Variants in IL1RAPL2 observed in about 807,000 individuals in gnomAD.
IL1RAPL2 encodes the protein interleukin 1 receptor accessory protein like 2.
A neutral mutation model predicts 44.1 loss-of-function variants in IL1RAPL2; 3 were observed. That is an observed-to-expected ratio of 0.07 (90% CI 0.03 to 0.18). IL1RAPL2 has a LOEUF of 0.18. Among genes scored for constraint, IL1RAPL2 ranks in the 10% least tolerant of loss-of-function variants. The pLI is 1.00. For synonymous variants in IL1RAPL2, 181 were observed against 178.8 expected, an observed-to-expected ratio of 1.01 and a Z score of -0.10; for missense variants, 391 against 496.4, an observed-to-expected ratio of 0.79 and a Z score of 2.02.
At chrX:105,611,898 A>T (rs1313108664) in intron 6 of IL1RAPL2, among the ~76,000 whole-genome samples, 2 of 111,327 alleles carry the variant, frequency 1.8e-5, no homozygotes, top group East Asian at 5.7e-4. Flanking sequence ...CACAGATTTT[A>T]TCAGTTTAAC....
At chrX:104,619,748 A>G (rs950694327) in intron 1 of IL1RAPL2, among the ~76,000 whole-genome samples, 2 of 112,423 alleles carry the variant, frequency 1.8e-5, no homozygotes, top group African/African-American at 6.5e-5. Context: ...ACATTTATGT[A>G]TATAATACTG....
rs1178543516 is a variant in IL1RAPL2, at chrX:105,665,742, GTTT to G, written c.773-51614_773-51612del. Among the ~76,000 whole-genome samples, 20 of 83,691 alleles carry G rather than the reference GTTT, an allele frequency of 2.4e-4. No individual in the cohort carries two copies. The South Asian group carries it at 3.3e-3, about 14-fold the overall frequency. 72.7% of individuals were successfully genotyped at this position (83,691 alleles called of 115,157 possible). ...TTTATTTTTGTTTTTTTGTTTTTTT[GTTT>G]TTTTTTTTTTGTTGTTGTTGTTGTT... On this transcript the variant is annotated intron_variant, in intron 6 of 10. Transcript: ENST00000372582.
chrX:104,891,404 C>T (rs1923435515), intron 2 of IL1RAPL2, among the ~76,000 whole-genome samples: 1 of 112,084 alleles, frequency 8.9e-6, no homozygotes, highest in Non-Finnish European at 1.9e-5. Flanking sequence ...TTGCCATTTT[C>T]ACAATATTGA....
At chrX:104,822,160 A>G (rs1921321438) in intron 2 of IL1RAPL2, among the ~76,000 whole-genome samples, 1 of 111,558 alleles carries the variant, frequency 9.0e-6, no homozygotes, top group Non-Finnish European at 1.9e-5. Flanking sequence ...CCTTTGTCAG[A>G]TGGATAGATT....
chrX:104,758,007 G>A (rs940772935), intron 2 of IL1RAPL2, among the ~76,000 whole-genome samples: 12 of 111,917 alleles, frequency 1.1e-4, no homozygotes, highest in Admixed American at 9.5e-4. Flanking sequence ...CTTACATGGA[G>A]TTGAATTAAT....
At chrX:104,918,730 A>G (rs1318027318) in intron 2 of IL1RAPL2, among the ~76,000 whole-genome samples, 2 of 112,167 alleles carry the variant, frequency 1.8e-5, no homozygotes, top group Non-Finnish European at 3.8e-5. Context: ...AGAGGACAAA[A>G]TGGAGTAAAA....
chrX:105,468,338 G>C (rs901831832), intron 5 of IL1RAPL2, among the ~76,000 whole-genome samples: 1 of 111,583 alleles, frequency 9.0e-6, no homozygotes, highest in Non-Finnish European at 1.9e-5. Context: ...ACACCTAACT[G>C]CAAGGGAGGC....
At chrX:105,315,524 A>G (rs1421323471) in intron 5 of IL1RAPL2, among the ~76,000 whole-genome samples, 3 of 85,733 alleles carry the variant, frequency 3.5e-5, no homozygotes, top group African/African-American at 1.1e-4. Context: ...ACAAAAGAAA[A>G]CCCCATACCT....
rs1375314516 is a variant in IL1RAPL2, at chrX:105,405,693, A to G, written c.698-78620A>G. The G allele has an allele frequency of 3.0e-6, 3 of 994,620 alleles. No homozygotes were observed. The African/African-American group carries it at 5.4e-5, about 18-fold the overall frequency. 82.0% of individuals were successfully genotyped at this position (994,620 alleles called of 1,213,427 possible). A position where few individuals can be genotyped will look rare whatever the true frequency, so the allele number is the denominator to read the frequency against. On this transcript the variant is annotated intron_variant, in intron 5 of 10. Coordinates refer to ENST00000372582, the MANE Select transcript of IL1RAPL2 (RefSeq NM_017416.2). The stretch of plus-strand genomic sequence containing the variant: ...CTGAAAGGCAGCCCTAAGAACGGAA[A>G]GAGTAAGAGACTTAAATGAATATGA...
chrX:105,363,517 C>G (rs1322814593), intron 5 of IL1RAPL2, among the ~76,000 whole-genome samples: 1 of 106,655 alleles, frequency 9.4e-6, no homozygotes, highest in Non-Finnish European at 1.9e-5. Context: ...TGAGGAACCT[C>G]TATGCTACTT....
intron 6 of IL1RAPL2, among the ~76,000 whole-genome samples, chrX:105,622,733 A>C (rs2037428611): frequency 2.7e-5 from 3 of 111,191 alleles, no homozygotes; most frequent in Non-Finnish European, 1.9e-5. Flanking sequence ...GTTAGGTAAA[A>C]TCTCTTTCCT....
At chrX:104,877,548 GT>G (rs1457365490) in intron 2 of IL1RAPL2, among the ~76,000 whole-genome samples, 1 of 112,481 alleles carries the variant, frequency 8.9e-6, no homozygotes, top group Non-Finnish European at 1.9e-5. Flanking sequence ...TTCAGGTAAA[GT>G]TTTTGTTAAG....
intron 1 of IL1RAPL2, among the ~76,000 whole-genome samples, chrX:104,589,251 G>T (rs757141628): frequency 1.8e-5 from 2 of 112,093 alleles, no homozygotes; most frequent in African/African-American, 6.5e-5. Flanking sequence ...TAGGCCATCC[G>T]CAAGTTTAGA....
intron 5 of IL1RAPL2, among the ~76,000 whole-genome samples, chrX:105,479,041 GA>G (rs772160739): frequency 5.3e-4 from 59 of 111,744 alleles, no homozygotes; most frequent in Non-Finnish European, 9.4e-4. Flanking sequence ...TAAGAGAGGA[GA>G]AAGATTAGCT....
At chrX:104,688,405 C>T (rs991090513) in intron 2 of IL1RAPL2, among the ~76,000 whole-genome samples, 3 of 110,825 alleles carry the variant, frequency 2.7e-5, no homozygotes, top group African/African-American at 9.9e-5. Context: ...CTTCAGATCA[C>T]TTATCACAAT....
chrX:104,912,691 T>C (rs1306455955), intron 2 of IL1RAPL2, among the ~76,000 whole-genome samples: 5 of 111,834 alleles, frequency 4.5e-5, no homozygotes, highest in African/African-American at 1.6e-4. Context: ...GCTGATGACA[T>C]TAACTTATCC....
chrX:104,642,267 G>A (rs760466487), intron 1 of IL1RAPL2, among the ~76,000 whole-genome samples: 1 of 111,483 alleles, frequency 9.0e-6, no homozygotes, highest in South Asian at 3.8e-4. Flanking sequence ...CACTATTTTC[G>A]TTCTTCTAAG....
At chrX:104,935,324 C>A (rs1925001067) in intron 2 of IL1RAPL2, among the ~76,000 whole-genome samples, 2 of 112,030 alleles carry the variant, frequency 1.8e-5, no homozygotes, top group South Asian at 7.4e-4. Flanking sequence ...AATTGTAGTT[C>A]TTTCTCTATG....
intron 6 of IL1RAPL2, among the ~76,000 whole-genome samples, chrX:105,538,720 C>T (rs1476189246): frequency 1.8e-5 from 2 of 111,192 alleles, no homozygotes; most frequent in East Asian, 2.8e-4. Context: ...AAATACTAGG[C>T]GCCGAAATAG....
Sources: allele counts gnomAD v4.1 joint callset (sites outside exome capture counted in the v4.1 genomes callset), GRCh38; gene constraint gnomAD v4.1.1; transcripts MANE v1.5; gene names NCBI Gene and HGNC (gene_info 2026-07-23, HGNC 2026-07-21).